The following NCEH1 variants were observed in gnomAD, a reference collection of about 807,000 sequenced individuals.
NCEH1 encodes neutral cholesterol ester hydrolase 1, also known as 2-acetyl MAGE hydrolase.
Under a neutral mutation model 25.4 loss-of-function variants are expected in NCEH1, and 9 were observed. That is an observed-to-expected ratio of 0.35 (90% CI 0.21 to 0.62). The LOEUF is 0.62. NCEH1 is among the 20% of genes least tolerant of loss of function. NCEH1 has a pLI of 0.72. For synonymous variants in NCEH1, 200 were observed against 199.8 expected, an observed-to-expected ratio of 1.00 and a Z score of -0.01; for missense variants, 412 against 501.1, an observed-to-expected ratio of 0.82 and a Z score of 1.70.
In NCEH1 at chr3:172,645,650, T is replaced by TC. The variant is rs1371584951; in HGVS notation, c.409dup (p.Glu137GlyfsTer10). On this transcript the variant is annotated frameshift_variant, in exon 3 of 5. Coordinates refer to ENST00000475381, the MANE Select transcript of NCEH1 (RefSeq NM_020792.6). LOFTEE classifies it high-confidence loss of function. ...AATGGAAACAATGACAGCATTCAAT[T>TC]CCTCAGCCATTGCTGTACACAGCTC... 6.2e-7 allele frequency: 1 copy of TC among 1,602,532 alleles called. No individual in the cohort carries two copies. Among genetic ancestry groups the TC allele is most frequent in the East Asian group, 2.2e-5 (1 of 44,476 alleles).
chr3:172,638,275 C>CAAAAAA lies in NCEH1; in HGVS notation c.438-2189_438-2188insTTTTTT, dbSNP rs1560178436. 1.8e-3 allele frequency among the ~76,000 whole-genome samples: 147 copies of CAAAAAA among 81,924 alleles called. 16 individuals carry two copies. The highest frequency in any genetic ancestry group is 5.8e-3 in the African/African-American group (141 of 24,404). The allele number at this position is 81,924 out of a possible 152,430, so 53.7% of individuals were successfully genotyped here. A position where few individuals can be genotyped will look rare whatever the true frequency, so the allele number is the denominator to read the frequency against. On this transcript the variant is annotated intron_variant, in intron 3 of 4. Transcript: ENST00000475381. Reference sequence around the variant, plus strand: ...CCTGGGCGACAGAACGAGACTCTGTCCAAAAAAAAAAAAAAAAAAAAAAAA... The same window carrying CAAAAAA: ...CCTGGGCGACAGAACGAGACTCTGTCAAAAAACAAAAAAAAAAAAAAAAAAAAAAAA...
At chr3:172,646,906 C>A (rs1013836697) in intron 2 of NCEH1, among the ~76,000 whole-genome samples, 1 of 152,044 alleles carries the variant, frequency 6.6e-6, no homozygotes, top group Non-Finnish European at 1.5e-5. Context: ...TTAGACTGAC[C>A]AATGGTCCAG....
rs370635719 is a variant in NCEH1 at position 172,632,560 on chromosome 3, T to G, written c.*915A>C. On this transcript the variant is annotated 3_prime_UTR_variant, in exon 5 of 5. Coordinates refer to ENST00000475381, the MANE Select transcript of NCEH1 (RefSeq NM_020792.6). The stretch of plus-strand genomic sequence containing the variant: ...ATTTTTAACAATTTTGAACTAATAT[T>G]AAATGTATTTTCTTTTTTGACTATG... 2 of 152,654 alleles carry G rather than the reference T, an allele frequency of 1.3e-5. No individual in the cohort carries two copies. Among genetic ancestry groups the G allele is most frequent in the East Asian group, 1.9e-4 (1 of 5,192 alleles). 9.5% of individuals were successfully genotyped at this position (152,654 alleles called of 1,614,324 possible).
intron 1 of NCEH1, among the ~76,000 whole-genome samples, chr3:172,662,814 C>T (rs1577067674): frequency 6.6e-6 from 1 of 151,904 alleles, no homozygotes; most frequent in East Asian, 1.9e-4. Flanking sequence ...TGGTGATATA[C>T]CCTTTATCAT....
intron 1 of NCEH1, among the ~76,000 whole-genome samples, chr3:172,693,216 G>A (rs1713162716): frequency 6.6e-6 from 1 of 152,170 alleles, no homozygotes; most frequent in Non-Finnish European, 1.5e-5. Flanking sequence ...AAATATGCTG[G>A]CGCTTTAAAA....
chr3:172,639,296 CAA>C (rs534734447), intron 3 of NCEH1, among the ~76,000 whole-genome samples: 5 of 95,196 alleles, frequency 5.3e-5, no homozygotes, highest in South Asian at 3.9e-4. Flanking sequence ...GGCTCCGTCT[CAA>C]AAAAAAAAAA....
intron 1 of NCEH1, among the ~76,000 whole-genome samples, chr3:172,693,459 G>GAAA (rs11462052): frequency 3.8e-5 from 5 of 130,874 alleles, no homozygotes; most frequent in African/African-American, 1.4e-4. Flanking sequence ...GCCTGAATAT[G>GAAA]AAAAAAAAAA....
chr3:172,635,640 T>C (rs966187193), intron 4 of NCEH1, among the ~76,000 whole-genome samples: 2 of 152,182 alleles, frequency 1.3e-5, no homozygotes, highest in Non-Finnish European at 2.9e-5. Context: ...GTTCCATACA[T>C]AGCCCTGAGA....
chr3:172,700,088 A>G (rs78347307), intron 1 of NCEH1, among the ~76,000 whole-genome samples: 4,989 of 152,310 alleles, frequency 0.033, 229 homozygotes, highest in African/African-American at 0.1. Flanking sequence ...TGGATTACAG[A>G]TGGGGCACTA....
chr3:172,647,716 A>G, intron 2 of NCEH1, 170 bp downstream of exon 2: 1 of 793,446 alleles, frequency 1.3e-6, no homozygotes, highest in South Asian at 1.9e-5. Flanking sequence ...TTGAGAGTGA[A>G]AAGGGGGCAC....
chr3:172,648,363 C>T (rs940163303), intron 1 of NCEH1, among the ~76,000 whole-genome samples: 6 of 152,058 alleles, frequency 3.9e-5, no homozygotes, highest in Non-Finnish European at 8.8e-5. Flanking sequence ...AATAACTATG[C>T]TTGTTCATTT....
intron 1 of NCEH1, among the ~76,000 whole-genome samples, chr3:172,680,355 C>T (rs1712276577): frequency 1.3e-5 from 2 of 152,152 alleles, no homozygotes; most frequent in African/African-American, 4.8e-5. Context: ...CTCCCCTGAA[C>T]TCCTCCTCAA....
intron 1 of NCEH1, among the ~76,000 whole-genome samples, chr3:172,663,099 A>G (rs1240524938): frequency 6.6e-6 from 1 of 152,096 alleles, no homozygotes; most frequent in Non-Finnish European, 1.5e-5. Context: ...GTGGGCATTT[A>G]GTGCATAAAT....
intron 1 of NCEH1, among the ~76,000 whole-genome samples, chr3:172,656,903 C>T (rs1717723329): frequency 6.6e-6 from 1 of 152,168 alleles, no homozygotes; most frequent in Non-Finnish European, 1.5e-5. Flanking sequence ...AATGCCGATG[C>T]CAATGACCCA....
intron 3 of NCEH1, among the ~76,000 whole-genome samples, chr3:172,639,976 T>A (rs781475435): frequency 6.6e-6 from 1 of 152,212 alleles, no homozygotes; most frequent in Non-Finnish European, 1.5e-5. Context: ...AGAACTGGGA[T>A]CTGAACTCAC....
intron 3 of NCEH1, among the ~76,000 whole-genome samples, chr3:172,642,616 A>G (rs1215881637): frequency 6.6e-6 from 1 of 151,464 alleles, no homozygotes; most frequent in Non-Finnish European, 1.5e-5. Context: ...AAAAAAAAAA[A>G]AAAAAAAAGA....
At chr3:172,691,105 T>A (rs969580075) in intron 1 of NCEH1, among the ~76,000 whole-genome samples, 2 of 152,202 alleles carry the variant, frequency 1.3e-5, no homozygotes, top group Non-Finnish European at 2.9e-5. Flanking sequence ...ACACAACTTG[T>A]CTGTCTTGTC....
rs1219107482 is a variant in NCEH1, at chr3:172,632,552, A to G, written c.*923T>C. On this transcript the variant is annotated 3_prime_UTR_variant, in exon 5 of 5. Transcript: ENST00000475381. ...CTAAAGGTATTTTTAACAATTTTGA[A>G]CTAATATTAAATGTATTTTCTTTTT... 1 of 152,514 alleles carries G rather than the reference A, an allele frequency of 6.6e-6. No homozygotes were observed. Among genetic ancestry groups the G allele is most frequent in the Non-Finnish European group, 1.5e-5 (1 of 68,034 alleles). 9.4% of individuals were successfully genotyped at this position (152,514 alleles called of 1,614,324 possible). A position where few individuals can be genotyped will look rare whatever the true frequency, so the allele number is the denominator to read the frequency against.
intron 1 of NCEH1, among the ~76,000 whole-genome samples, chr3:172,692,984 T>C (rs1713151373): frequency 6.6e-6 from 1 of 152,178 alleles, no homozygotes; most frequent in Non-Finnish European, 1.5e-5. Flanking sequence ...TCTCATCCAT[T>C]CAGACCCAGC....
Sources: gnomAD v4.1 joint callset for allele counts (sites outside exome capture counted in the v4.1 genomes callset) on GRCh38, gnomAD v4.1.1 for gene constraint, MANE v1.5 for transcripts, NCBI Gene and HGNC (gene_info 2026-07-23, HGNC 2026-07-21) for gene names.